PIBF1: variants seen among roughly 807,000 people sequenced by gnomAD.
PIBF1 encodes the protein progesterone-induced-blocking factor 1.
In PIBF1, 90 loss-of-function variants were observed where a neutral mutation model predicts 112.5. The ratio of observed to expected loss-of-function variants is 0.80; its 90% CI spans 0.67 to 0.95. The LOEUF (loss-of-function observed/expected upper bound fraction) is 0.95. Among genes scored for constraint, PIBF1 ranks in the 40% least tolerant of loss-of-function variants. The pLI is 0.00. For synonymous variants in PIBF1, 301 were observed against 288.6 expected (o/e 1.04, Z -0.44); for missense variants, 915 against 852.3 (o/e 1.07, Z -0.92).
In PIBF1 at chr13:72,979,024, A is replaced by T. The variant is rs531723947; in HGVS notation, c.2049+5349A>T. Among the ~76,000 whole-genome samples, 266 of 152,278 alleles carry T rather than the reference A, an allele frequency of 1.7e-3. 2 individuals are homozygous for T. Among genetic ancestry groups the T allele is most frequent in the Non-Finnish European group, 3.4e-3 (229 of 68,014 alleles). On this transcript the variant is annotated intron_variant, in intron 16 of 17. Transcript: ENST00000326291. Reference sequence around the variant, plus strand: ...AGCCTGGACAACCTAGGAAGACCTCATCTTCACAAAAAAATCAAAATTTAG... The same window carrying T: ...AGCCTGGACAACCTAGGAAGACCTCTTCTTCACAAAAAAATCAAAATTTAG...
chr13:72,897,082 T>C (rs2040308813), intron 11 of PIBF1, among the ~76,000 whole-genome samples: 1 of 152,176 alleles, frequency 6.6e-6, no homozygotes, highest in Non-Finnish European at 1.5e-5. Context: ...GGAAAACCTA[T>C]AAGATTAACA....
chr13:72,812,060 A>C (rs1362334031), intron 5 of PIBF1, among the ~76,000 whole-genome samples: 2 of 152,080 alleles, frequency 1.3e-5, no homozygotes, highest in East Asian at 3.9e-4. Flanking sequence ...TGAGGGGCTT[A>C]TTGGGTTTTG....
chr13:72,884,754 A>T (rs1261786522), intron 10 of PIBF1: 3 of 152,278 alleles, frequency 2.0e-5, no homozygotes, highest in South Asian at 4.1e-4. Context: ...ATAACATAAT[A>T]TGTGTTTACT....
At chr13:72,991,800 C>G (rs1279734829) in intron 16 of PIBF1, among the ~76,000 whole-genome samples, 2 of 151,842 alleles carry the variant, frequency 1.3e-5, no homozygotes, top group Non-Finnish European at 2.9e-5. Context: ...CTCACTGCAA[C>G]CTCCACCTCC....
chr13:72,894,772 AGT>A (rs35885902), intron 11 of PIBF1, among the ~76,000 whole-genome samples: 41,834 of 137,070 alleles, frequency 0.31, 6,907 homozygotes, highest in South Asian at 0.47. Context: ...ATATATATAT[AGT>A]GTGTGTGTGT....
At chr13:72,797,088 A>T (rs529267528) in intron 4 of PIBF1, among the ~76,000 whole-genome samples, 7 of 152,154 alleles carry the variant, frequency 4.6e-5, no homozygotes, top group Non-Finnish European at 8.8e-5. Context: ...AATTTCTCTG[A>T]GACAAGTATG....
intron 13 of PIBF1, among the ~76,000 whole-genome samples, chr13:72,928,612 G>C (rs955867440): frequency 5.9e-5 from 9 of 152,216 alleles, no homozygotes; most frequent in African/African-American, 2.2e-4. Context: ...GCTAATTTTT[G>C]TATTTTTAGT....
intron 11 of PIBF1, among the ~76,000 whole-genome samples, chr13:72,900,582 C>T (rs2040448052): frequency 6.6e-6 from 1 of 152,156 alleles, no homozygotes; most frequent in Non-Finnish European, 1.5e-5. Context: ...CATCTCTCAC[C>T]TTATACAAAA....
At chr13:72,987,858 A>ATTTATTTATTTATTTTTTTTTTTT (rs1345167411) in intron 16 of PIBF1, among the ~76,000 whole-genome samples, 1 of 58,116 alleles carries the variant, frequency 1.7e-5, no homozygotes, top group Non-Finnish European at 2.8e-5. Flanking sequence ...TTATTTATTT[A>ATTTATTTATTTATTTTTTTTTTTT]TTTTTTTTTT....
chr13:72,987,862 T>TTTTTTTTTTA (rs2043352110), intron 16 of PIBF1, among the ~76,000 whole-genome samples: 1 of 87,086 alleles, frequency 1.1e-5, no homozygotes, highest in African/African-American at 5.6e-5. Flanking sequence ...TTATTTATTT[T>TTTTTTTTTTA]TTTTTTTTTT....
At chr13:72,935,614 T>G (rs549887496) in intron 14 of PIBF1, among the ~76,000 whole-genome samples, 1 of 152,350 alleles carries the variant, frequency 6.6e-6, no homozygotes, top group Admixed American at 6.5e-5. Context: ...CTTAAGAAAC[T>G]GCTAAACTGT....
At chr13:72,906,171 C>T (rs1051960096) in intron 11 of PIBF1, among the ~76,000 whole-genome samples, 5 of 151,978 alleles carry the variant, frequency 3.3e-5, no homozygotes, top group Non-Finnish European at 7.4e-5. Flanking sequence ...ATGGACTTTT[C>T]TGGGCTTTTA....
At chr13:73,013,869 G>A (rs949206456) in intron 17 of PIBF1, among the ~76,000 whole-genome samples, 2 of 152,010 alleles carry the variant, frequency 1.3e-5, no homozygotes, top group Non-Finnish European at 2.9e-5. Flanking sequence ...AAAGAGTGGA[G>A]TGAAACATTT....
intron 10 of PIBF1, among the ~76,000 whole-genome samples, chr13:72,858,023 T>TTGCTTTTTGTGTGTGTG (rs71099760): frequency 0.016 from 2,224 of 141,258 alleles, 88 homozygotes; most frequent in South Asian, 0.13. Flanking sequence ...CAAATGTACA[T>TTGCTTTTTGTGTGTGTG]TGTGTGTGTG....
chr13:72,978,541 T>C (rs1295549211), intron 16 of PIBF1, among the ~76,000 whole-genome samples: 1 of 152,250 alleles, frequency 6.6e-6, no homozygotes, highest in African/African-American at 2.4e-5. Context: ...TATTCCTCTT[T>C]CTTTTTTTCA....
chr13:72,896,903 G>A (rs2040302889), intron 11 of PIBF1, among the ~76,000 whole-genome samples: 2 of 152,142 alleles, frequency 1.3e-5, no homozygotes. Context: ...AAACTTCCCT[G>A]GCCTTGCTAG....
chr13:72,805,442 T>C (rs1266412124), intron 5 of PIBF1, among the ~76,000 whole-genome samples: 1 of 152,316 alleles, frequency 6.6e-6, no homozygotes, highest in East Asian at 1.9e-4. Flanking sequence ...ACACCTGGCC[T>C]GAAGTTACTA....
At chr13:72,789,068 T>C (rs1448632703) in intron 2 of PIBF1, among the ~76,000 whole-genome samples, 2 of 152,240 alleles carry the variant, frequency 1.3e-5, no homozygotes, top group East Asian at 3.9e-4. Flanking sequence ...GAAGAGTAGC[T>C]ATTCAGGCCA....
chr13:72,973,516 T>G, intron 15 of PIBF1, 75 bp from the exon 16 acceptor site: 1 of 718,470 alleles, frequency 1.4e-6, no homozygotes, highest in Admixed American at 3.0e-5. Flanking sequence ...ATGTTTATTC[T>G]TTTAATATTT....
Sources: gnomAD v4.1 joint callset for allele counts (sites outside exome capture counted in the v4.1 genomes callset) on GRCh38, gnomAD v4.1.1 for gene constraint, MANE v1.5 for transcripts, NCBI Gene and HGNC (gene_info 2026-07-23, HGNC 2026-07-21) for gene names.